Variants in OTULINL observed in about 807,000 individuals in gnomAD.
The protein encoded by OTULINL is OTU deubiquitinase with linear linkage specificity like, also known as inactive ubiquitin thioesterase OTULINL.
Under a neutral mutation model 43.9 loss-of-function variants are expected in OTULINL, and 42 were observed. The observed-to-expected ratio is 0.96, with a 90% CI of 0.75 to 1.24. The LOEUF is 1.24. OTULINL is among the 50% of genes most tolerant of loss of function. OTULINL has a pLI of 0.00. For missense variants in OTULINL, 411 were observed against 426.4 expected (o/e 0.96, Z 0.32); for synonymous variants, 172 against 153.6 (o/e 1.12, Z -0.88).
intron 1 of OTULINL, among the ~76,000 whole-genome samples, chr5:14,595,742 T>C (rs1016867087): frequency 2.0e-5 from 3 of 149,660 alleles, no homozygotes; most frequent in East Asian, 2.0e-4. Context: ...GTTTCTGATA[T>C]TCACTTTGTT....
chr5:14,601,163 T>C, intron 2 of OTULINL, 39 bp downstream of exon 2: 1 of 1,612,208 alleles, frequency 6.2e-7, no homozygotes, highest in Non-Finnish European at 8.5e-7. Flanking sequence ...AAATGTATCT[T>C]TACTATTCAA....
At chr5:14,592,520 C>T (rs1472792902) in intron 1 of OTULINL, among the ~76,000 whole-genome samples, 5 of 152,112 alleles carry the variant, frequency 3.3e-5, no homozygotes, top group African/African-American at 9.7e-5. Context: ...ATCAGATGAC[C>T]AGATCCACAG....
chr5:14,614,308 A>T lies in OTULINL; in HGVS notation c.*3994A>T, dbSNP rs1291085535. Among the ~76,000 whole-genome samples, 4 of 152,210 alleles carry T rather than the reference A, an allele frequency of 2.6e-5. No individual in the cohort carries two copies. The highest frequency in any genetic ancestry group is 4.4e-5 in the Non-Finnish European group (3 of 68,034). On this transcript the variant is annotated 3_prime_UTR_variant, in exon 8 of 8. Coordinates refer to ENST00000274217, the MANE Select transcript of OTULINL (RefSeq NM_019018.3). ...ATTAACTTATTGACTATATATGGGT[A>T]TACTTTTCTCTATAGCCATTCACTT...
intron 1 of OTULINL, among the ~76,000 whole-genome samples, chr5:14,586,834 C>T (rs992004903): frequency 5.9e-5 from 9 of 151,400 alleles, no homozygotes; most frequent in East Asian, 3.9e-4. Context: ...TCCCTCAAAT[C>T]GGAAGTGAAA....
At chr5:14,606,454 G>A (rs1362990511) in intron 5 of OTULINL, among the ~76,000 whole-genome samples, 2 of 152,150 alleles carry the variant, frequency 1.3e-5, no homozygotes, top group Non-Finnish European at 2.9e-5. Context: ...GAGATTCCCA[G>A]GCTCAGCAAA....
Position 14,581,845 on chromosome 5 carries a change from C to T in OTULINL, c.-50C>T. 1 of 1,348,732 alleles carries T rather than the reference C, an allele frequency of 7.4e-7. No individual in the cohort carries two copies. The highest frequency in any genetic ancestry group is 9.5e-7 in the Non-Finnish European group (1 of 1,049,234). The allele number at this position is 1,348,732 out of a possible 1,614,324, so 83.5% of individuals were successfully genotyped here. Reference sequence around the variant, plus strand: ...CGGGCGGCCGTCGCGTCTGACAGACCACTGCAGACCACGGGCCGAGGCCCA... The same window carrying T: ...CGGGCGGCCGTCGCGTCTGACAGACTACTGCAGACCACGGGCCGAGGCCCA... On this transcript the variant is annotated 5_prime_UTR_variant, in exon 1 of 8. Coordinates refer to ENST00000274217, the MANE Select transcript of OTULINL (RefSeq NM_019018.3).
At chr5:14,609,433 A>G (rs896487813) in intron 7 of OTULINL, among the ~76,000 whole-genome samples, 2 of 152,242 alleles carry the variant, frequency 1.3e-5, no homozygotes, top group Non-Finnish European at 2.9e-5. Flanking sequence ...ATCCCTCTAG[A>G]AAAGAGTTTC....
intron 5 of OTULINL, 56 bp from the exon 6 acceptor site, chr5:14,607,274 T>C (rs895691817): frequency 1.2e-5 from 19 of 1,583,928 alleles, no homozygotes; most frequent in Non-Finnish European, 1.6e-5. Flanking sequence ...TACAGCAAAT[T>C]GTGTGTAATA....
chr5:14,599,042 G>C (rs904563157), intron 1 of OTULINL, among the ~76,000 whole-genome samples: 1 of 152,090 alleles, frequency 6.6e-6, no homozygotes, highest in Non-Finnish European at 1.5e-5. Context: ...AGGCAATATA[G>C]CATTACATTT....
chr5:14,593,088 G>A (rs1182947247), intron 1 of OTULINL, among the ~76,000 whole-genome samples: 2 of 152,146 alleles, frequency 1.3e-5, no homozygotes, highest in Non-Finnish European at 1.5e-5. Context: ...GAATCCAGTC[G>A]GTTGCATTTA....
At position 14,607,478 on chromosome 5, in the gene OTULINL, A is replaced by G; in HGVS notation, c.627+20A>G. 2 of 1,612,724 alleles carry G rather than the reference A, an allele frequency of 1.2e-6. No individual in the cohort carries two copies. The highest frequency in any genetic ancestry group is 1.7e-6 in the Non-Finnish European group (2 of 1,179,480). ...ACACAGGTAAGTGTTTGCGGGGGAA[A>G]TAAAAAGACTAGGAATAAAAGCACA... On this transcript the variant is annotated intron_variant, in intron 6 of 7. Transcript: ENST00000274217.
intron 1 of OTULINL, among the ~76,000 whole-genome samples, chr5:14,599,960 G>C (rs1302433465): frequency 6.6e-6 from 1 of 152,188 alleles, no homozygotes; most frequent in East Asian, 1.9e-4. Context: ...TACTTGCTCT[G>C]TGCTGCTAAA....
intron 1 of OTULINL, among the ~76,000 whole-genome samples, chr5:14,588,245 T>C (rs1182096714): frequency 6.6e-6 from 1 of 152,200 alleles, no homozygotes; most frequent in Non-Finnish European, 1.5e-5. Context: ...CTGAAACATA[T>C]TAAAATAAGG....
In OTULINL at chr5:14,607,321, C is replaced by T; in HGVS notation, c.499-9C>T. 1.2e-6 allele frequency: 2 copies of T among 1,613,166 alleles called. No individual in the cohort carries two copies. Among genetic ancestry groups the T allele is most frequent in the Non-Finnish European group, 1.7e-6 (2 of 1,179,744 alleles). On this transcript the variant is annotated splice_polypyrimidine_tract_variant and intron_variant, in intron 5 of 7. Transcript: ENST00000274217. ...GCTAATCATAGTTGGCATCTACTTC[C>T]TTTTCAAGCTTCCTGAAAAACTGCT...
chr5:14,606,208 G>T lies in OTULINL; in HGVS notation c.499-1122G>T, dbSNP rs542057246. ...TTATGTGGTTGGTGGCAGGCAAAAA[G>T]AGAGAGCCTGTGCATGGGAACGCTT... On this transcript the variant is annotated intron_variant, in intron 5 of 7. Transcript: ENST00000274217. 3.3e-4 allele frequency among the ~76,000 whole-genome samples: 51 copies of T among 152,316 alleles called. 1 individual carries two copies. The highest frequency in any genetic ancestry group is 1.2e-3 in the African/African-American group (49 of 41,562).
At chr5:14,589,049 A>G (rs551936022) in intron 1 of OTULINL, among the ~76,000 whole-genome samples, 1 of 152,256 alleles carries the variant, frequency 6.6e-6, no homozygotes, top group South Asian at 2.1e-4. Flanking sequence ...TACATGATAC[A>G]TTTCGTTCAT....
chr5:14,593,849 T>G (rs539340338), intron 1 of OTULINL, among the ~76,000 whole-genome samples: 1 of 152,312 alleles, frequency 6.6e-6, no homozygotes, highest in South Asian at 2.1e-4. Flanking sequence ...GGGGGCAGTG[T>G]GCCCCATCCT....
rs936984244 is a variant in OTULINL at position 14,611,536 on chromosome 5, GC to G, written c.*1225del. The G allele has an allele frequency of 2.6e-5, 4 of 152,196 alleles. No homozygotes were observed. The highest frequency in any genetic ancestry group is 6.5e-5 in the Admixed American group (1 of 15,270). 9.4% of individuals were successfully genotyped at this position (152,196 alleles called of 1,614,324 possible). A position where few individuals can be genotyped will look rare whatever the true frequency, so the allele number is the denominator to read the frequency against. ...CAGCCCTGCCAACACCTTGATTTTA[GC>G]CCAGTGAAGCCTGTGTTGGACCTCT... On this transcript the variant is annotated 3_prime_UTR_variant, in exon 8 of 8. Transcript: ENST00000274217.
intron 1 of OTULINL, among the ~76,000 whole-genome samples, chr5:14,595,209 T>C (rs1759265736): frequency 6.6e-6 from 1 of 152,162 alleles, no homozygotes; most frequent in South Asian, 2.1e-4. Context: ...AGAAAGTCAG[T>C]GGGCTAGATG....
Sources: allele counts gnomAD v4.1 joint callset (sites outside exome capture counted in the v4.1 genomes callset), GRCh38; gene constraint gnomAD v4.1.1; transcripts MANE v1.5; gene names NCBI Gene and HGNC (gene_info 2026-07-23, HGNC 2026-07-21).